The following AUH variants were observed in gnomAD, a reference collection of about 807,000 sequenced individuals.
AUH encodes methylglutaconyl-CoA hydratase, mitochondrial.
In AUH, 29 loss-of-function variants were observed where a neutral mutation model predicts 42.3. That is an observed-to-expected ratio of 0.69 (90% CI 0.51 to 0.93). The LOEUF (loss-of-function observed/expected upper bound fraction) is 0.93. Ranked by LOEUF, AUH falls within the 40% of genes least tolerant of loss-of-function variation. The pLI is 0.00. For synonymous variants in AUH, 174 were observed against 166.4 expected (o/e 1.05, Z -0.35); for missense variants, 452 against 438.1 (o/e 1.03, Z -0.28).
At chr9:91,333,186 G>A (rs997781342) in intron 3 of AUH, among the ~76,000 whole-genome samples, 4 of 152,188 alleles carry the variant, frequency 2.6e-5, no homozygotes, top group African/African-American at 9.7e-5. Context: ...AGTTGTCCAA[G>A]TCAGTTGGCT....
At chr9:91,355,545 C>T (rs1298175269) in intron 3 of AUH, among the ~76,000 whole-genome samples, 1 of 150,416 alleles carries the variant, frequency 6.6e-6, no homozygotes, top group Non-Finnish European at 1.5e-5. Context: ...GAGCAAGACT[C>T]TATCTCAAAA....
chr9:91,360,892 C>A (rs1832794740), intron 1 of AUH, among the ~76,000 whole-genome samples: 1 of 152,176 alleles, frequency 6.6e-6, no homozygotes, highest in Admixed American at 6.5e-5. Flanking sequence ...CCACCCTTCA[C>A]GACCCTTTTA....
At position 91,224,360 on chromosome 9, in the gene AUH, T is replaced by A. The variant is rs538607605; in HGVS notation, c.656-3368A>T. 1.8e-4 allele frequency among the ~76,000 whole-genome samples: 28 copies of A among 152,348 alleles called. No individual in the cohort carries two copies. In the South Asian group the frequency reaches 4.3e-3, roughly 24 times the overall value. On this transcript the variant is annotated intron_variant, in intron 6 of 9. Coordinates refer to ENST00000375731, the MANE Select transcript of AUH (RefSeq NM_001698.3). ...GTTCTTTATATATTCTGGATATTAA[T>A]CCTTTATCAGATATAGACTTGCAAA...
At chr9:91,278,118 A>T (rs1825686973) in intron 6 of AUH, among the ~76,000 whole-genome samples, 1 of 152,188 alleles carries the variant, frequency 6.6e-6, no homozygotes, top group South Asian at 2.1e-4. Context: ...AAAGAAAACA[A>T]CGGAGGGCTG....
chr9:91,305,441 C>A (rs1828134990), intron 4 of AUH, among the ~76,000 whole-genome samples: 1 of 152,204 alleles, frequency 6.6e-6, no homozygotes, highest in Non-Finnish European at 1.5e-5. Flanking sequence ...AATTCAGTCA[C>A]TGCTTCCATC....
chr9:91,230,917 A>G (rs902184679), intron 6 of AUH, among the ~76,000 whole-genome samples: 3 of 152,134 alleles, frequency 2.0e-5, no homozygotes, highest in Non-Finnish European at 4.4e-5. Context: ...CCGTTCTCCG[A>G]TCTCCAGCTG....
At chr9:91,350,524 C>T (rs957168315) in intron 3 of AUH, among the ~76,000 whole-genome samples, 1 of 151,994 alleles carries the variant, frequency 6.6e-6, no homozygotes, top group Non-Finnish European at 1.5e-5. Flanking sequence ...TTTGGGAGGC[C>T]GAGGCAGGTG....
At chr9:91,311,583 T>C (rs1419216421) in intron 4 of AUH, among the ~76,000 whole-genome samples, 1 of 152,246 alleles carries the variant, frequency 6.6e-6, no homozygotes, top group South Asian at 2.1e-4. Context: ...AGTTTCCACT[T>C]AGAGAATTCT....
At chr9:91,224,283 T>C (rs1394831216) in intron 6 of AUH, among the ~76,000 whole-genome samples, 1 of 152,216 alleles carries the variant, frequency 6.6e-6, no homozygotes, top group Admixed American at 6.5e-5. Flanking sequence ...TTAAAGTTAT[T>C]TGCCTATTTT....
intron 4 of AUH, among the ~76,000 whole-genome samples, chr9:91,318,450 C>T (rs1480781962): frequency 1.3e-5 from 2 of 152,170 alleles, no homozygotes; most frequent in Non-Finnish European, 2.9e-5. Context: ...CCTCCCTTTC[C>T]CACCTTATGC....
chr9:91,269,092 T>C (rs1055550865), intron 6 of AUH, among the ~76,000 whole-genome samples: 1 of 152,182 alleles, frequency 6.6e-6, no homozygotes, highest in African/African-American at 2.4e-5. Flanking sequence ...ACGATTCTTC[T>C]GCCTCAGCCT....
chr9:91,227,351 T>C (rs1396990395), intron 6 of AUH, among the ~76,000 whole-genome samples: 1 of 122,976 alleles, frequency 8.1e-6, no homozygotes, highest in Non-Finnish European at 1.8e-5. Flanking sequence ...TGGCTCTCTG[T>C]TTGTCTGTTG....
intron 3 of AUH, among the ~76,000 whole-genome samples, chr9:91,337,631 A>T (rs1830791010): frequency 6.6e-6 from 1 of 152,250 alleles, no homozygotes; most frequent in African/African-American, 2.4e-5. Flanking sequence ...GCTGGCAAAC[A>T]GAGTAAACTA....
Position 91,299,688 on chromosome 9 carries a change from A to G in AUH, c.506-1612T>C, listed in dbSNP as rs565689894. Among the ~76,000 whole-genome samples the G allele has an allele frequency of 3.3e-5, 5 of 152,330 alleles. No homozygotes were observed. In the East Asian group the frequency reaches 9.6e-4, roughly 29 times the overall value. ...ATTTTATCTGGAAAAAAGAAAAGAA[A>G]AATCAATAAAAATATAAAACAGCAA... On this transcript the variant is annotated intron_variant, in intron 4 of 9. Transcript: ENST00000375731.
chr9:91,227,420 TG>T (rs764015684), intron 6 of AUH, among the ~76,000 whole-genome samples: 3,108 of 126,048 alleles, frequency 0.025, 56 homozygotes, highest in East Asian at 0.059. Context: ...GAGACTTTGC[TG>T]AAGTTGCTTA....
chr9:91,356,049 C>T lies in AUH; in HGVS notation c.330+39G>A, dbSNP rs188981785. On this transcript the variant is annotated intron_variant, in intron 2 of 9. Transcript: ENST00000375731. ...TTTTACATTGATGACAATAATATAT[C>T]TTAATATTAGAAGCAAACAGTTTAA... 11,755 of 1,593,320 alleles carry T rather than the reference C, an allele frequency of 7.4e-3. 66 individuals are homozygous for T. Among genetic ancestry groups the T allele is most frequent in the Non-Finnish European group, 8.9e-3 (10,298 of 1,162,814 alleles).
intron 3 of AUH, among the ~76,000 whole-genome samples, chr9:91,348,499 C>T (rs936372068): frequency 1.6e-4 from 25 of 152,118 alleles, no homozygotes; most frequent in African/African-American, 6.0e-4. Context: ...CCCAAATGAC[C>T]ATCACCTAAT....
intron 1 of AUH, among the ~76,000 whole-genome samples, chr9:91,360,768 C>T (rs1031428670): frequency 6.6e-6 from 1 of 152,224 alleles, no homozygotes; most frequent in Non-Finnish European, 1.5e-5. Context: ...CCAATCACGA[C>T]TTACACGCTT....
intron 7 of AUH, chr9:91,219,080 C>G (rs542598109): frequency 2.1e-6 from 2 of 965,646 alleles, no homozygotes; most frequent in African/African-American, 1.8e-5. Flanking sequence ...GGATGCGGCT[C>G]GACACACTGG....
Sources: gnomAD v4.1 joint callset for allele counts (sites outside exome capture counted in the v4.1 genomes callset) on GRCh38, gnomAD v4.1.1 for gene constraint, MANE v1.5 for transcripts, NCBI Gene and HGNC (gene_info 2026-07-23, HGNC 2026-07-21) for gene names.